The following CSMD1 variants were observed in gnomAD, a reference collection of about 807,000 sequenced individuals.
The protein encoded by CSMD1 is CUB and Sushi multiple domains 1, also known as CUB and sushi domain-containing protein 1.
CSMD1 carries 213 observed loss-of-function variants against 417.5 expected under a neutral mutation model. That is an observed-to-expected ratio of 0.51 (90% CI 0.46 to 0.57). The LOEUF is 0.57. Among genes scored for constraint, CSMD1 ranks in the 20% least tolerant of loss-of-function variants. CSMD1 has a pLI of 0.00. For synonymous variants in CSMD1, 2,862 were observed against 1,736.8 expected (o/e 1.65, Z -16.11); for missense variants, 6,923 against 4,529.7 (o/e 1.53, Z -15.17).
At chr8:4,053,330 C>G (rs146939486) in intron 3 of CSMD1, among the ~76,000 whole-genome samples, 3 of 152,154 alleles carry the variant, frequency 2.0e-5, no homozygotes, top group African/African-American at 7.2e-5. Context: ...AAAAATCAGA[C>G]TGACCTTTAG....
At chr8:3,513,297 G>A (rs962703135) in intron 10 of CSMD1, among the ~76,000 whole-genome samples, 4 of 151,100 alleles carry the variant, frequency 2.6e-5, no homozygotes, top group Non-Finnish European at 5.9e-5. Context: ...TCTGAGTGAA[G>A]AAATCCATAG....
At chr8:3,917,965 T>G (rs895297168) in intron 5 of CSMD1, among the ~76,000 whole-genome samples, 12 of 152,318 alleles carry the variant, frequency 7.9e-5, no homozygotes, top group African/African-American at 2.6e-4. Flanking sequence ...AAATTTAAGC[T>G]GGTTTATTTC....
At chr8:3,506,822 G>A (rs958247022) in intron 10 of CSMD1, among the ~76,000 whole-genome samples, 2 of 152,044 alleles carry the variant, frequency 1.3e-5, no homozygotes, top group African/African-American at 4.8e-5. Context: ...GCTTTTCAAG[G>A]TCTTAAATTT....
intron 1 of CSMD1, among the ~76,000 whole-genome samples, chr8:4,700,263 G>A (rs547537110): frequency 6.6e-6 from 1 of 151,966 alleles, no homozygotes. Flanking sequence ...TAGCAGGAAA[G>A]GTGAAACTCA....
At chr8:3,046,313 A>G (rs367737569) in intron 50 of CSMD1, among the ~76,000 whole-genome samples, 2 of 152,114 alleles carry the variant, frequency 1.3e-5, no homozygotes, top group African/African-American at 4.8e-5. Flanking sequence ...TGAGGGAATG[A>G]GTGTGAGAGC....
chr8:4,052,773 G>T (rs118055719), intron 3 of CSMD1, among the ~76,000 whole-genome samples: 121 of 152,228 alleles, frequency 7.9e-4, no homozygotes, highest in Non-Finnish European at 1.2e-3. Context: ...TGGGATATCT[G>T]AGGACACATC....
chr8:4,124,267 C>T (rs1009858157), intron 3 of CSMD1, among the ~76,000 whole-genome samples: 2 of 152,096 alleles, frequency 1.3e-5, no homozygotes, highest in African/African-American at 4.8e-5. Flanking sequence ...TAAGCACTGA[C>T]TGGCAAATTA....
At chr8:3,717,505 C>T (rs1229977522) in intron 6 of CSMD1, among the ~76,000 whole-genome samples, 2 of 152,110 alleles carry the variant, frequency 1.3e-5, no homozygotes, top group African/African-American at 2.4e-5. Flanking sequence ...CAGCTAAAAA[C>T]AGGGTCCTTG....
intron 40 of CSMD1, among the ~76,000 whole-genome samples, chr8:3,144,304 C>G (rs1475690243): frequency 1.3e-5 from 2 of 151,982 alleles, no homozygotes; most frequent in Non-Finnish European, 2.9e-5. Flanking sequence ...CAAGAGCTGA[C>G]AGTCTCATGA....
At chr8:3,720,748 G>C (rs969301851) in intron 6 of CSMD1, among the ~76,000 whole-genome samples, 3 of 152,074 alleles carry the variant, frequency 2.0e-5, no homozygotes, top group African/African-American at 7.2e-5. Flanking sequence ...ATTTTACAGA[G>C]CAAAGCTGTA....
chr8:3,641,281 G>C (rs1797293316), intron 7 of CSMD1, among the ~76,000 whole-genome samples: 1 of 152,058 alleles, frequency 6.6e-6, no homozygotes, highest in South Asian at 2.1e-4. Flanking sequence ...AAGTGGCAGT[G>C]ATTCCCAGCC....
chr8:4,847,085 G>A (rs183380073), intron 1 of CSMD1, among the ~76,000 whole-genome samples: 25 of 152,174 alleles, frequency 1.6e-4, no homozygotes, highest in East Asian at 7.7e-4. Context: ...AGGGCACCAC[G>A]CTCTGCTCGT....
chr8:4,750,201 G>T (rs1156433533), intron 1 of CSMD1, among the ~76,000 whole-genome samples: 6 of 151,796 alleles, frequency 4.0e-5, no homozygotes, highest in Admixed American at 3.9e-4. Flanking sequence ...TAGAGACAGG[G>T]TTTCACCGTG....
At chr8:4,845,262 A>G (rs1801076520) in intron 1 of CSMD1, among the ~76,000 whole-genome samples, 1 of 152,212 alleles carries the variant, frequency 6.6e-6, no homozygotes, top group African/African-American at 2.4e-5. Context: ...AGACACAAGA[A>G]AGCCATCAAC....
chr8:3,945,435 A>C (rs1295278718), intron 5 of CSMD1, among the ~76,000 whole-genome samples: 1 of 152,106 alleles, frequency 6.6e-6, no homozygotes, highest in Non-Finnish European at 1.5e-5. Context: ...AAATAACTTC[A>C]ATAGTCTAAC....
chr8:4,979,005 C>A (rs1024884624), intron 1 of CSMD1, among the ~76,000 whole-genome samples: 1 of 152,176 alleles, frequency 6.6e-6, no homozygotes, highest in Non-Finnish European at 1.5e-5. Context: ...CCTTAAAAAT[C>A]TACTTTGAAG....
At chr8:4,173,199 A>C (rs544936211) in intron 3 of CSMD1, among the ~76,000 whole-genome samples, 59 of 152,290 alleles carry the variant, frequency 3.9e-4, no homozygotes, top group Non-Finnish European at 7.1e-4. Flanking sequence ...TTAAAAGTGA[A>C]TTTCAGATAA....
chr8:4,492,461 C>G (rs2915061), intron 2 of CSMD1, among the ~76,000 whole-genome samples: 1 of 152,188 alleles, frequency 6.6e-6, no homozygotes, highest in South Asian at 2.1e-4. Context: ...CACAAGTAAA[C>G]ATGAGCTTAG....
chr8:4,849,882 G>T (rs186722678), intron 1 of CSMD1, among the ~76,000 whole-genome samples: 1 of 152,078 alleles, frequency 6.6e-6, no homozygotes, highest in Non-Finnish European at 1.5e-5. Context: ...CATTGCTCAT[G>T]GGTATATTAG....
Sources: allele counts gnomAD v4.1 joint callset (sites outside exome capture counted in the v4.1 genomes callset), GRCh38; gene constraint gnomAD v4.1.1; transcripts MANE v1.5; gene names NCBI Gene and HGNC (gene_info 2026-07-23, HGNC 2026-07-21).